Variants in RIMKLB observed in about 807,000 individuals in gnomAD.
RIMKLB encodes ribosomal modification protein rimK like family member B.
A neutral mutation model predicts 32.0 loss-of-function variants in RIMKLB; 7 were observed. The ratio of observed to expected loss-of-function variants is 0.22; its 90% CI spans 0.12 to 0.41. The LOEUF (loss-of-function observed/expected upper bound fraction) is 0.41, where lower values mean the gene tolerates loss of function less well. Among genes scored for constraint, RIMKLB ranks in the 10% least tolerant of loss-of-function variants. The pLI, the probability that RIMKLB is intolerant of heterozygous loss-of-function variation, is 1.00. For missense variants in RIMKLB, 289 were observed against 498.7 expected, an observed-to-expected ratio of 0.58 and a Z score of 4.00; for synonymous variants, 172 against 185.1, an observed-to-expected ratio of 0.93 and a Z score of 0.57.
rs372698841 is a variant in RIMKLB at position 8,765,496 on chromosome 12, C to G, written c.698-7825C>G. ...GTGTTAGTGTCTGATTTAGCAGTAA[C>G]ATTATATCTCTCCATGTCAGATCAA... On this transcript the variant is annotated intron_variant, in intron 5 of 5. Transcript: ENST00000535829. Among the ~76,000 whole-genome samples the G allele has an allele frequency of 4.6e-5, 7 of 152,266 alleles. No individual in the cohort carries two copies. In the East Asian group the frequency reaches 7.7e-4, roughly 17 times the overall value.
intron 2 of RIMKLB, among the ~76,000 whole-genome samples, chr12:8,717,945 G>C (rs1229098016): frequency 6.6e-6 from 1 of 152,032 alleles, no homozygotes; most frequent in Non-Finnish European, 1.5e-5. Flanking sequence ...ATAATGTACT[G>C]TGCTGTTGCC....
At chr12:8,714,108 G>A (rs1303644536) in intron 2 of RIMKLB, 67 bp downstream of exon 2, 1 of 1,322,654 alleles carries the variant, frequency 7.6e-7, no homozygotes, top group Admixed American at 1.9e-5. Flanking sequence ...CATGTTTTAG[G>A]AATAATTAGG....
downstream of RIMKLB, chr12:8,777,700 G>GAGAAGTAA: frequency 7.8e-7 from 1 of 1,285,914 alleles, no homozygotes; most frequent in Non-Finnish European, 1.0e-6. Context: ...AGAACTTTCG[G>GAGAAGTAA]GGTCAGTGCC....
intron 5 of RIMKLB, among the ~76,000 whole-genome samples, chr12:8,770,426 G>A (rs1418806086): frequency 2.0e-5 from 3 of 151,958 alleles, no homozygotes; most frequent in African/African-American, 7.3e-5. Context: ...CCCTTATATA[G>A]CACTTTATCC....
chr12:8,674,548 T>C, the RIMKLB span, among the ~76,000 whole-genome samples: 5 of 151,446 alleles, frequency 3.3e-5, no homozygotes, highest in Admixed American at 1.3e-4. Flanking sequence ...CCTTTTTTTT[T>C]CCTTTTTTAT....
In RIMKLB at chr12:8,701,599, C is replaced by G. The variant is rs1943405344; in HGVS notation, c.-57+3302C>G. 2.0e-5 allele frequency among the ~76,000 whole-genome samples: 3 copies of G among 146,740 alleles called. No individual in the cohort carries two copies. In the South Asian group the frequency reaches 6.4e-4, roughly 31 times the overall value. On this transcript the variant is annotated intron_variant, in intron 1 of 5. Coordinates refer to ENST00000535829, the MANE Select transcript of RIMKLB (RefSeq NM_001297776.2). ...ACTTTGTTAACAAAGCTAATCATTT[C>G]TGGATCAGTTATATGACCGTTATGG... is the stretch of plus-strand genomic sequence containing the variant.
In RIMKLB at chr12:8,769,459, G is replaced by A. The variant is rs145323314; in HGVS notation, c.698-3862G>A. 1.8e-3 allele frequency among the ~76,000 whole-genome samples: 278 copies of A among 151,864 alleles called. 1 individual carries two copies. Among genetic ancestry groups the A allele is most frequent in the African/African-American group, 6.2e-3 (258 of 41,438 alleles). ...CTAAGTTTTGTTTTTTATTCAAATC[G>A]GACTAGTTTCCATCTTTTAATGGAA... is the stretch of plus-strand genomic sequence containing the variant. On this transcript the variant is annotated intron_variant, in intron 5 of 5. Coordinates refer to ENST00000535829, the MANE Select transcript of RIMKLB (RefSeq NM_001297776.2).
chr12:8,737,315 A>G (rs987159473), intron 2 of RIMKLB, among the ~76,000 whole-genome samples: 6 of 149,080 alleles, frequency 4.0e-5, no homozygotes, highest in Admixed American at 1.3e-4. Context: ...GCTTTTCTGC[A>G]GAATGTCCCT....
rs1484356455 is a variant in RIMKLB at position 8,742,907 on chromosome 12, A to G, written c.176-6955A>G. The G allele has an allele frequency of 5.3e-5, 9 of 169,290 alleles. No individual in the cohort carries two copies. The East Asian group carries it at 1.5e-3, about 28-fold the overall frequency. 10.5% of individuals were successfully genotyped at this position (169,290 alleles called of 1,614,324 possible). A position where few individuals can be genotyped will look rare whatever the true frequency, so the allele number is the denominator to read the frequency against. On this transcript the variant is annotated intron_variant, in intron 2 of 5. Coordinates refer to ENST00000535829, the MANE Select transcript of RIMKLB (RefSeq NM_001297776.2). ...TTCTCTGCACTGTGTGGACATTGGC[A>G]TCCCATGCAGCAACAAGGGAGCTCT...
Position 8,727,370 on chromosome 12 carries a change from G to A in RIMKLB, c.175+13329G>A, listed in dbSNP as rs868854868. Among the ~76,000 whole-genome samples, 5 of 152,294 alleles carry A rather than the reference G, an allele frequency of 3.3e-5. No homozygotes were observed. In the South Asian group the frequency reaches 1.0e-3, roughly 32 times the overall value. ...TTGCCTCAGCTTCCCAAGTAGCTGG[G>A]ACTACAGGCGTGTGCCACCACGCCC... On this transcript the variant is annotated intron_variant, in intron 2 of 5. Transcript: ENST00000535829.
chr12:8,753,773 A>G (rs1317568181), intron 4 of RIMKLB, 117 bp from the exon 5 acceptor site: 1 of 789,368 alleles, frequency 1.3e-6, no homozygotes, highest in African/African-American at 1.7e-5. Flanking sequence ...GAAAACTTAA[A>G]AAAAAAATGT....
chr12:8,715,246 T>TTTTTTTTTTTTTTG (rs1555153656), intron 2 of RIMKLB, among the ~76,000 whole-genome samples: 2 of 148,284 alleles, frequency 1.3e-5, no homozygotes, highest in African/African-American at 5.2e-5. Context: ...TTTTTTTTTT[T>TTTTTTTTTTTTTTG]GGAGACAGGG....
At chr12:8,701,742 C>T (rs984061004) in intron 1 of RIMKLB, among the ~76,000 whole-genome samples, 1 of 151,278 alleles carries the variant, frequency 6.6e-6, no homozygotes, top group Non-Finnish European at 1.5e-5. Context: ...CGGTGGCTCA[C>T]ACCTGTAATC....
downstream of RIMKLB, among the ~76,000 whole-genome samples, chr12:8,778,191 A>G (rs1165770571): frequency 2.0e-5 from 3 of 152,228 alleles, no homozygotes; most frequent in African/African-American, 7.2e-5. Context: ...AGCTCACAGT[A>G]TAAAGACATC....
chr12:8,755,529 A>ATT (rs760736743), intron 5 of RIMKLB, among the ~76,000 whole-genome samples: 4 of 152,112 alleles, frequency 2.6e-5, no homozygotes, highest in Non-Finnish European at 4.4e-5. Flanking sequence ...CTCTACTCAG[A>ATT]ATGTTTCCAA....
intron 2 of RIMKLB, among the ~76,000 whole-genome samples, chr12:8,745,803 T>C (rs1948033184): frequency 6.6e-6 from 1 of 150,442 alleles, no homozygotes; most frequent in Non-Finnish European, 1.5e-5. Flanking sequence ...CAAGTGATTC[T>C]CCTGCCTCCG....
intron 2 of RIMKLB, among the ~76,000 whole-genome samples, chr12:8,731,853 T>C (rs1946579254): frequency 6.6e-6 from 1 of 152,204 alleles, no homozygotes; most frequent in African/African-American, 2.4e-5. Context: ...AGCATACTTA[T>C]TTTAAAGTCA....
chr12:8,696,833 G>C (rs1942907499), upstream of RIMKLB, among the ~76,000 whole-genome samples: 1 of 152,222 alleles, frequency 6.6e-6, no homozygotes, highest in Non-Finnish European at 1.5e-5. Flanking sequence ...TGAGGTCACT[G>C]AGACAGGGCT....
At chr12:8,672,965 T>G in the RIMKLB span, among the ~76,000 whole-genome samples, 1 of 152,182 alleles carries the variant, frequency 6.6e-6, no homozygotes, top group East Asian at 1.9e-4. Context: ...CACTGCAACC[T>G]CCACCTCCCG....
Sources: gnomAD v4.1 joint callset for allele counts (sites outside exome capture counted in the v4.1 genomes callset) on GRCh38, gnomAD v4.1.1 for gene constraint, MANE v1.5 for transcripts, NCBI Gene and HGNC (gene_info 2026-07-23, HGNC 2026-07-21) for gene names.